The following CPPED1 variants were observed in gnomAD, a reference collection of about 807,000 sequenced individuals.
CPPED1 encodes serine/threonine-protein phosphatase CPPED1.
A neutral mutation model predicts 28.0 loss-of-function variants in CPPED1; 28 were observed. That is an observed-to-expected ratio of 1.00 (90% CI 0.74 to 1.37). The LOEUF is 1.37. CPPED1 is among the 40% of genes most tolerant of loss of function. The probability of loss-of-function intolerance (pLI) is 0.00; values close to 1 mark genes in which losing one functional copy is unlikely to be tolerated. For synonymous variants in CPPED1, 198 were observed against 180.2 expected, an observed-to-expected ratio of 1.10 and a Z score of -0.79; for missense variants, 504 against 416.5, an observed-to-expected ratio of 1.21 and a Z score of -1.83.
chr16:12,724,299 T>G (rs776218489), intron 2 of CPPED1, among the ~76,000 whole-genome samples: 1 of 152,162 alleles, frequency 6.6e-6, no homozygotes, highest in Non-Finnish European at 1.5e-5. Flanking sequence ...CCCTCTGTCC[T>G]CTGCTTCAAT....
At chr16:12,731,745 C>G (rs1250151598) in intron 2 of CPPED1, among the ~76,000 whole-genome samples, 3 of 149,544 alleles carry the variant, frequency 2.0e-5, no homozygotes, top group Non-Finnish European at 4.4e-5. Flanking sequence ...TTAAATTGCA[C>G]TTTTAAATGG....
At chr16:12,696,418 A>G (rs1374525564) in intron 3 of CPPED1, among the ~76,000 whole-genome samples, 1 of 151,076 alleles carries the variant, frequency 6.6e-6, no homozygotes, top group African/African-American at 2.4e-5. Context: ...TATGAGCCAG[A>G]CATGGTGCTA....
At chr16:12,696,339 C>T (rs1349145005) in intron 3 of CPPED1, among the ~76,000 whole-genome samples, 1 of 152,112 alleles carries the variant, frequency 6.6e-6, no homozygotes, top group African/African-American at 2.4e-5. Flanking sequence ...AGCACATTTG[C>T]CTGCTGTGGG....
At chr16:12,723,308 C>G (rs1196479225) in intron 2 of CPPED1, among the ~76,000 whole-genome samples, 1 of 152,238 alleles carries the variant, frequency 6.6e-6, no homozygotes, top group Non-Finnish European at 1.5e-5. Context: ...CAGGATATGC[C>G]TGTTCTGGAT....
chr16:12,701,323 C>G (rs192798211), intron 3 of CPPED1, among the ~76,000 whole-genome samples: 83 of 151,924 alleles, frequency 5.5e-4, no homozygotes, highest in African/African-American at 2.0e-3. Flanking sequence ...TGAGGTCAGT[C>G]AGGAGTTCAA....
intron 3 of CPPED1, among the ~76,000 whole-genome samples, chr16:12,697,595 T>A (rs2079998630): frequency 6.6e-6 from 1 of 152,222 alleles, no homozygotes; most frequent in Non-Finnish European, 1.5e-5. Context: ...AACATTTCTC[T>A]AAGCCAAGAG....
At chr16:12,777,443 C>T (rs544602378) in intron 2 of CPPED1, among the ~76,000 whole-genome samples, 1 of 152,032 alleles carries the variant, frequency 6.6e-6, no homozygotes, top group Non-Finnish European at 1.5e-5. Flanking sequence ...CAAGAGTAAC[C>T]CTAAATTAAG....
At chr16:12,787,346 A>G (rs1448096446) in intron 1 of CPPED1, among the ~76,000 whole-genome samples, 1 of 151,954 alleles carries the variant, frequency 6.6e-6, no homozygotes, top group African/African-American at 2.4e-5. Flanking sequence ...ACATACATTT[A>G]TTTAATTAAA....
chr16:12,802,689 A>C (rs1379802365), intron 1 of CPPED1, among the ~76,000 whole-genome samples: 2 of 152,194 alleles, frequency 1.3e-5, no homozygotes, highest in Admixed American at 6.5e-5. Flanking sequence ...AAGTGAATGA[A>C]CTTTAAAATG....
chr16:12,803,800 C>T lies in CPPED1; in HGVS notation c.-24G>A. 6.3e-7 allele frequency: 1 copy of T among 1,592,294 alleles called. No homozygotes were observed. Among genetic ancestry groups the T allele is most frequent in the Non-Finnish European group, 8.5e-7 (1 of 1,170,552 alleles). On this transcript the variant is annotated 5_prime_UTR_variant, in exon 1 of 4. The change creates a new upstream start codon in the 5' untranslated region. Coordinates refer to ENST00000381774, the MANE Select transcript of CPPED1 (RefSeq NM_018340.3). ...ATGGCGAGCGAGTTTCTGGCCTTCA[C>T]TTAGAACACTGCGTGGGTGGAAGCC...
intron 1 of CPPED1, among the ~76,000 whole-genome samples, chr16:12,799,845 G>A (rs1028184896): frequency 1.3e-5 from 2 of 152,228 alleles, no homozygotes; most frequent in Non-Finnish European, 2.9e-5. Flanking sequence ...CTATGGGACT[G>A]CATGGCTCAC....
chr16:12,783,230 C>T (rs916217075), intron 1 of CPPED1, among the ~76,000 whole-genome samples: 6 of 152,130 alleles, frequency 3.9e-5, no homozygotes, highest in Admixed American at 6.5e-5. Context: ...CAGGGCCAGG[C>T]GCCACGCCTG....
intron 2 of CPPED1, among the ~76,000 whole-genome samples, chr16:12,733,586 G>T (rs1318801833): frequency 2.0e-5 from 3 of 152,046 alleles, no homozygotes; most frequent in Non-Finnish European, 4.4e-5. Flanking sequence ...ACCAAATTAG[G>T]ATTTAACGAC....
intron 2 of CPPED1, among the ~76,000 whole-genome samples, chr16:12,742,889 C>T (rs1165825521): frequency 1.3e-5 from 2 of 152,146 alleles, no homozygotes; most frequent in East Asian, 3.9e-4. Context: ...AGGCGTGGGA[C>T]GAATACACAG....
chr16:12,683,216 G>C (rs918272720), intron 3 of CPPED1, among the ~76,000 whole-genome samples: 13 of 152,122 alleles, frequency 8.5e-5, no homozygotes, highest in Non-Finnish European at 5.9e-5. Flanking sequence ...GAAAAATTCT[G>C]ATCAGGCGAT....
rs142508485 is a variant in CPPED1, at chr16:12,687,081, C to G, written c.715+17543G>C. On this transcript the variant is annotated intron_variant, in intron 3 of 3. Transcript: ENST00000381774. ...GATGTAAGCACTTGTATCATAATCT[C>G]AATTTTGCCTCTTGTCCCACAAAAC... Among the ~76,000 whole-genome samples the G allele has an allele frequency of 1.5e-3, 222 of 152,170 alleles. 2 individuals carry two copies. The highest frequency in any genetic ancestry group is 5.2e-3 in the African/African-American group (217 of 41,536).
chr16:12,751,744 T>C (rs1335180885), intron 2 of CPPED1, among the ~76,000 whole-genome samples: 3 of 152,228 alleles, frequency 2.0e-5, no homozygotes, highest in Non-Finnish European at 4.4e-5. Context: ...TAAATAGGAC[T>C]GATAATGTTT....
At chr16:12,688,920 T>G (rs1472865505) in intron 3 of CPPED1, among the ~76,000 whole-genome samples, 1 of 152,206 alleles carries the variant, frequency 6.6e-6, no homozygotes, top group East Asian at 1.9e-4. Context: ...CATGTGGCCT[T>G]ACTTACCAAG....
chr16:12,715,406 T>C (rs2080102128), intron 2 of CPPED1, among the ~76,000 whole-genome samples: 1 of 152,146 alleles, frequency 6.6e-6, no homozygotes, highest in African/African-American at 2.4e-5. Flanking sequence ...ACGTCTGTAA[T>C]CCCAGCACTC....
Sources: gnomAD v4.1 joint callset for allele counts (sites outside exome capture counted in the v4.1 genomes callset) on GRCh38, gnomAD v4.1.1 for gene constraint, MANE v1.5 for transcripts, NCBI Gene and HGNC (gene_info 2026-07-23, HGNC 2026-07-21) for gene names.